The following VRK2 variants were observed in gnomAD, a reference collection of about 807,000 sequenced individuals.
VRK2 encodes the protein serine/threonine-protein kinase VRK2.
Under a neutral mutation model 57.6 loss-of-function variants are expected in VRK2, and 60 were observed. The ratio of observed to expected loss-of-function variants is 1.04; its 90% confidence interval spans 0.85 to 1.29. The LOEUF is 1.29. Among genes scored for constraint, VRK2 ranks in the 50% most tolerant of loss-of-function variants. The pLI, the probability that VRK2 is intolerant of heterozygous loss-of-function variation, is 0.00. For synonymous variants in VRK2, 231 were observed against 199.2 expected, an observed-to-expected ratio of 1.16 and a Z score of -1.35; for missense variants, 705 against 588.1, an observed-to-expected ratio of 1.20 and a Z score of -2.06.
chr2:58,156,962 A>G (rs1180500343), intron 12 of VRK2, among the ~76,000 whole-genome samples: 1 of 152,146 alleles, frequency 6.6e-6, no homozygotes, highest in Non-Finnish European at 1.5e-5. Context: ...ATTTTATTGC[A>G]TTCCTTTAAA....
At chr2:58,137,197 T>TATC (rs1484234770) in intron 10 of VRK2, among the ~76,000 whole-genome samples, 11 of 101,808 alleles carry the variant, frequency 1.1e-4, no homozygotes, top group Non-Finnish European at 1.9e-4. Context: ...ATGATACATA[T>TATC]ATATCTCATA....
At chr2:58,106,793 C>A (rs1674820359) in intron 7 of VRK2, among the ~76,000 whole-genome samples, 1 of 151,988 alleles carries the variant, frequency 6.6e-6, no homozygotes, top group Non-Finnish European at 1.5e-5. Context: ...AAAAGATAAA[C>A]TATAGTTTTG....
At chr2:58,000,629 G>T (rs950227891) in intron 1 of VRK2, among the ~76,000 whole-genome samples, 1 of 152,152 alleles carries the variant, frequency 6.6e-6, no homozygotes, top group Non-Finnish European at 1.5e-5. Context: ...TTAAGGCCAT[G>T]TTATAAATCC....
intron 2 of VRK2, among the ~76,000 whole-genome samples, chr2:58,076,831 T>G (rs550489044): frequency 1.1e-3 from 166 of 152,096 alleles, no homozygotes; most frequent in Middle Eastern, 3.4e-3. Flanking sequence ...TTTGTTTTTA[T>G]ACTTTAAAAT....
At chr2:58,119,951 G>A (rs544971251) in intron 7 of VRK2, among the ~76,000 whole-genome samples, 15 of 151,668 alleles carry the variant, frequency 9.9e-5, no homozygotes, top group South Asian at 4.2e-4. Flanking sequence ...GTGATTATTT[G>A]AATCCTACCT....
intron 1 of VRK2, among the ~76,000 whole-genome samples, chr2:57,983,918 T>C (rs938003667): frequency 1.3e-5 from 2 of 152,182 alleles, no homozygotes; most frequent in African/African-American, 4.8e-5. Flanking sequence ...GTCATCAATA[T>C]TGATATAACA....
chr2:57,977,280 T>G (rs2104037366), intron 1 of VRK2, among the ~76,000 whole-genome samples: 1 of 152,266 alleles, frequency 6.6e-6, no homozygotes, highest in East Asian at 1.9e-4. Context: ...TTGATAGGAA[T>G]AGTATTAAAT....
upstream of VRK2, chr2:58,046,385 G>A: frequency 1.6e-6 from 1 of 643,220 alleles, no homozygotes; most frequent in Non-Finnish European, 1.9e-6. Flanking sequence ...CCTCCTAACT[G>A]GAGTCTTCGC....
chr2:58,155,759 C>G (rs1683722597), intron 12 of VRK2, among the ~76,000 whole-genome samples: 1 of 120,774 alleles, frequency 8.3e-6, no homozygotes, highest in East Asian at 2.8e-4. Flanking sequence ...CCCCCACCAT[C>G]CCCCCCACCC....
intron 1 of VRK2, among the ~76,000 whole-genome samples, chr2:57,982,489 G>C (rs1672452680): frequency 6.6e-6 from 1 of 152,204 alleles, no homozygotes; most frequent in Non-Finnish European, 1.5e-5. Context: ...GTGCTTGCCA[G>C]TGGGGGAAGG....
chr2:57,927,316 G>A (rs1405663795), intron 1 of VRK2, among the ~76,000 whole-genome samples: 4 of 144,674 alleles, frequency 2.8e-5, no homozygotes, highest in Admixed American at 1.4e-4. Context: ...TCGCTCTATC[G>A]CCCAGGCTGG....
chr2:58,151,118 A>G (rs1682958075), intron 12 of VRK2, among the ~76,000 whole-genome samples: 3 of 151,734 alleles, frequency 2.0e-5, no homozygotes, highest in African/African-American at 7.2e-5. Context: ...CAAATCTTAT[A>G]TATTCACTGT....
rs181597959 is a variant in VRK2 at position 58,089,561 on chromosome 2, T to G, written c.451-70T>G. On this transcript the variant is annotated intron_variant, in intron 6 of 12. Coordinates refer to ENST00000340157, the MANE Select transcript of VRK2 (RefSeq NM_006296.7). ...ATGAAAAAACCCATGTTATTCTATA[T>G]TCAAAATGTTGAAATTGATCATGAG... 923 of 949,530 alleles carry G rather than the reference T, an allele frequency of 9.7e-4. 1 individual carries two copies. Among genetic ancestry groups the G allele is most frequent in the Non-Finnish European group, 1.1e-3 (690 of 639,308 alleles). 58.8% of individuals were successfully genotyped at this position (949,530 alleles called of 1,614,324 possible). A position where few individuals can be genotyped will look rare whatever the true frequency, so the allele number is the denominator to read the frequency against.
At chr2:57,958,398 T>C (rs1423548436) in intron 1 of VRK2, among the ~76,000 whole-genome samples, 1 of 151,508 alleles carries the variant, frequency 6.6e-6, no homozygotes, top group Non-Finnish European at 1.5e-5. Context: ...GTTATATGTA[T>C]ATATGTGTGT....
At chr2:58,143,042 T>G (rs1681570096) in intron 11 of VRK2, among the ~76,000 whole-genome samples, 1 of 151,830 alleles carries the variant, frequency 6.6e-6, no homozygotes. Context: ...ATATCCAGAG[T>G]TGAATATATT....
At chr2:58,063,846 C>G (rs1668248110) in intron 2 of VRK2, among the ~76,000 whole-genome samples, 1 of 152,056 alleles carries the variant, frequency 6.6e-6, no homozygotes, top group Admixed American at 6.6e-5. Context: ...ATCCAGATGC[C>G]ATTAACAGCA....
chr2:58,155,907 T>C (rs1683753315), intron 12 of VRK2, among the ~76,000 whole-genome samples: 1 of 141,814 alleles, frequency 7.1e-6, no homozygotes, highest in African/African-American at 2.7e-5. Flanking sequence ...ACATAGAGCA[T>C]GTTTTTCATG....
At chr2:58,007,976 T>C (rs928460284) in intron 1 of VRK2, among the ~76,000 whole-genome samples, 1 of 152,056 alleles carries the variant, frequency 6.6e-6, no homozygotes, top group Non-Finnish European at 1.5e-5. Context: ...TTTAACAAAC[T>C]TGTCTCTGTA....
At chr2:57,963,266 G>A (rs1671815150) in intron 1 of VRK2, among the ~76,000 whole-genome samples, 1 of 152,114 alleles carries the variant, frequency 6.6e-6, no homozygotes, top group African/African-American at 2.4e-5. Flanking sequence ...CAGCTCATGT[G>A]TCTGTAGTCT....
Sources: gnomAD v4.1 joint callset for allele counts (sites outside exome capture counted in the v4.1 genomes callset) on GRCh38, gnomAD v4.1.1 for gene constraint, MANE v1.5 for transcripts, NCBI Gene and HGNC (gene_info 2026-07-23, HGNC 2026-07-21) for gene names.